MACROD2: variants seen among roughly 807,000 people sequenced by gnomAD.
The protein encoded by MACROD2 is mono-ADP ribosylhydrolase 2.
A neutral mutation model predicts 70.4 loss-of-function variants in MACROD2; 36 were observed. The observed-to-expected ratio is 0.51, with a 90% confidence interval of 0.39 to 0.68. The LOEUF (loss-of-function observed/expected upper bound fraction) is 0.68, where lower values mean the gene tolerates loss of function less well. Among genes scored for constraint, MACROD2 ranks in the 30% least tolerant of loss-of-function variants. MACROD2 has a pLI of 0.00. For missense variants in MACROD2, 496 were observed against 538.4 expected (o/e 0.92, Z 0.78); for synonymous variants, 172 against 178.8 (o/e 0.96, Z 0.30).
chr20:15,356,815 A>G (rs1041824608), intron 6 of MACROD2, among the ~76,000 whole-genome samples: 1 of 152,330 alleles, frequency 6.6e-6, no homozygotes, highest in East Asian at 1.9e-4. Flanking sequence ...CATATATACA[A>G]AATTTTCAGT....
chr20:14,637,982 A>G (rs544956220), intron 4 of MACROD2, among the ~76,000 whole-genome samples: 1 of 152,100 alleles, frequency 6.6e-6, no homozygotes, highest in African/African-American at 2.4e-5. Context: ...GTGATTTTCT[A>G]TAATTTCATT....
At chr20:15,966,591 A>T (rs982053098) in intron 12 of MACROD2, among the ~76,000 whole-genome samples, 1 of 152,064 alleles carries the variant, frequency 6.6e-6, no homozygotes, top group Admixed American at 6.6e-5. Context: ...AAAATTAGAA[A>T]ACTAAGTGGG....
At chr20:15,191,747 T>C (rs1325143851) in intron 5 of MACROD2, among the ~76,000 whole-genome samples, 1 of 152,138 alleles carries the variant, frequency 6.6e-6, no homozygotes, top group East Asian at 1.9e-4. Flanking sequence ...TGATAAATGT[T>C]ATTATGCCTT....
At chr20:14,187,287 A>G (rs974647889) in intron 3 of MACROD2, among the ~76,000 whole-genome samples, 1 of 152,182 alleles carries the variant, frequency 6.6e-6, no homozygotes, top group Non-Finnish European at 1.5e-5. Context: ...TGTAAATGAC[A>G]TTGGAGAATC....
intron 6 of MACROD2, among the ~76,000 whole-genome samples, chr20:15,245,842 G>A (rs889306843): frequency 2.6e-5 from 4 of 152,118 alleles, no homozygotes; most frequent in Non-Finnish European, 5.9e-5. Flanking sequence ...GGGTTTATCG[G>A]GATGTAGTTT....
chr20:14,935,256 G>A (rs1235719998), intron 5 of MACROD2: 2 of 152,080 alleles, frequency 1.3e-5, no homozygotes, highest in Admixed American at 6.5e-5. Flanking sequence ...GATTCTAAAT[G>A]TATCTTGTCT....
intron 5 of MACROD2, among the ~76,000 whole-genome samples, chr20:15,122,085 A>G (rs2076034938): frequency 6.6e-6 from 1 of 152,184 alleles, no homozygotes; most frequent in Non-Finnish European, 1.5e-5. Context: ...ATAGCTTAAA[A>G]TTAATATTTT....
chr20:15,614,963 T>C (rs902440419), intron 8 of MACROD2, among the ~76,000 whole-genome samples: 9 of 152,232 alleles, frequency 5.9e-5, no homozygotes, highest in African/African-American at 1.9e-4. Context: ...GAGGTAACTT[T>C]GTCTCTGCTT....
chr20:13,997,866 C>A (rs1015277608), intron 1 of MACROD2, among the ~76,000 whole-genome samples: 1 of 151,756 alleles, frequency 6.6e-6, no homozygotes, highest in African/African-American at 2.4e-5. Flanking sequence ...ATATATTATA[C>A]CCCCAAGGAA....
At chr20:15,287,522 T>TA (rs2077502786) in intron 6 of MACROD2, among the ~76,000 whole-genome samples, 1 of 152,210 alleles carries the variant, frequency 6.6e-6, no homozygotes, top group Non-Finnish European at 1.5e-5. Context: ...CAGAGAGACT[T>TA]AATGTATGTG....
chr20:15,816,513 G>A (rs146613390), intron 8 of MACROD2, among the ~76,000 whole-genome samples: 4 of 152,184 alleles, frequency 2.6e-5, no homozygotes, highest in Non-Finnish European at 5.9e-5. Context: ...ACAAGCCATA[G>A]CAATACACGT....
chr20:15,056,154 G>A (rs2075483835), intron 5 of MACROD2, among the ~76,000 whole-genome samples: 1 of 152,136 alleles, frequency 6.6e-6, no homozygotes, highest in African/African-American at 2.4e-5. Context: ...TCTGTATGCA[G>A]ACTAACTGGA....
chr20:14,199,220 A>G (rs1357793443), intron 3 of MACROD2, among the ~76,000 whole-genome samples: 3 of 152,254 alleles, frequency 2.0e-5, no homozygotes, highest in Admixed American at 6.5e-5. Context: ...GTCTGCTAAT[A>G]TTGCAAATCT....
intron 8 of MACROD2, among the ~76,000 whole-genome samples, chr20:15,852,018 A>T (rs1026049679): frequency 6.6e-6 from 1 of 152,350 alleles, no homozygotes; most frequent in South Asian, 2.1e-4. Flanking sequence ...CTCTTTGGAT[A>T]CAAGGGCAGA....
intron 8 of MACROD2, among the ~76,000 whole-genome samples, chr20:15,827,563 A>G (rs2064010683): frequency 6.6e-6 from 1 of 152,202 alleles, no homozygotes; most frequent in African/African-American, 2.4e-5. Context: ...ATGTTTACGT[A>G]CATACCTTTA....
At chr20:15,384,686 T>A (rs777089091) in intron 6 of MACROD2, among the ~76,000 whole-genome samples, 14 of 152,210 alleles carry the variant, frequency 9.2e-5, no homozygotes, top group Non-Finnish European at 2.1e-4. Flanking sequence ...GAAAATAGTG[T>A]ATTTATATAT....
At chr20:14,329,851 G>A (rs1379596568) in intron 3 of MACROD2, among the ~76,000 whole-genome samples, 1 of 151,918 alleles carries the variant, frequency 6.6e-6, no homozygotes, top group East Asian at 1.9e-4. Flanking sequence ...CCTCCTGCAG[G>A]TCTCAATTCT....
intron 5 of MACROD2, among the ~76,000 whole-genome samples, chr20:15,081,239 T>C (rs2075700954): frequency 6.6e-6 from 1 of 152,182 alleles, no homozygotes; most frequent in South Asian, 2.1e-4. Flanking sequence ...TAAAGTTTTA[T>C]TGGAACACAG....
intron 10 of MACROD2, among the ~76,000 whole-genome samples, chr20:15,899,488 G>A (rs1347360209): frequency 1.3e-5 from 2 of 152,126 alleles, no homozygotes; most frequent in African/African-American, 4.8e-5. Context: ...AATTGAATAT[G>A]CATACACACA....
Sources: allele counts gnomAD v4.1 joint callset (sites outside exome capture counted in the v4.1 genomes callset), GRCh38; gene constraint gnomAD v4.1.1; transcripts MANE v1.5; gene names NCBI Gene and HGNC (gene_info 2026-07-23, HGNC 2026-07-21).